The following SCAPER variants were observed in gnomAD, a reference collection of about 807,000 sequenced individuals.
The protein encoded by SCAPER is S phase cyclin A-associated protein in the endoplasmic reticulum.
Under a neutral mutation model 182.2 loss-of-function variants are expected in SCAPER, and 98 were observed. The observed-to-expected ratio is 0.54, with a 90% CI of 0.46 to 0.64. The LOEUF (loss-of-function observed/expected upper bound fraction) is 0.64. Among genes scored for constraint, SCAPER ranks in the 30% least tolerant of loss-of-function variants. The probability of loss-of-function intolerance (pLI) is 0.00; values close to 1 mark genes in which losing one functional copy is unlikely to be tolerated. For missense variants in SCAPER, 1,432 were observed against 1,690.0 expected, an observed-to-expected ratio of 0.85 and a Z score of 2.68; for synonymous variants, 605 against 564.6, an observed-to-expected ratio of 1.07 and a Z score of -1.01.
chr15:76,792,810 G>T (rs2065084909), intron 8 of SCAPER, among the ~76,000 whole-genome samples: 1 of 152,174 alleles, frequency 6.6e-6, no homozygotes, highest in South Asian at 2.1e-4. Flanking sequence ...GAAAAGAAAA[G>T]AGCCACTCCA....
At chr15:76,544,771 C>CA (rs770617883) in intron 23 of SCAPER, among the ~76,000 whole-genome samples, 45 of 151,856 alleles carry the variant, frequency 3.0e-4, no homozygotes, top group Admixed American at 4.6e-4. Flanking sequence ...TTGACTATAC[C>CA]AAAAAACAAA....
intron 23 of SCAPER, among the ~76,000 whole-genome samples, chr15:76,505,902 A>G (rs913738928): frequency 4.6e-5 from 7 of 152,222 alleles, no homozygotes; most frequent in African/African-American, 1.7e-4. Flanking sequence ...GGAATGGAGT[A>G]CTATTCAGCC....
At chr15:76,698,521 C>T (rs905550328) in intron 20 of SCAPER, among the ~76,000 whole-genome samples, 6 of 152,042 alleles carry the variant, frequency 3.9e-5, no homozygotes, top group Non-Finnish European at 8.8e-5. Flanking sequence ...GACTATGATG[C>T]CTAAAAAAAT....
chr15:76,582,839 T>C (rs1229878761), intron 22 of SCAPER, among the ~76,000 whole-genome samples: 1 of 152,126 alleles, frequency 6.6e-6, no homozygotes. Context: ...ACCAAGAATA[T>C]ACATTGAGGA....
chr15:76,764,366 T>A (rs1359911019), intron 14 of SCAPER, among the ~76,000 whole-genome samples: 1 of 152,094 alleles, frequency 6.6e-6, no homozygotes, highest in Non-Finnish European at 1.5e-5. Flanking sequence ...GCATCCCTGG[T>A]AGGTGGGAGC....
At chr15:76,520,426 C>T (rs1162496605) in intron 23 of SCAPER, among the ~76,000 whole-genome samples, 1 of 152,146 alleles carries the variant, frequency 6.6e-6, no homozygotes, top group Non-Finnish European at 1.5e-5. Flanking sequence ...CCATATTGCT[C>T]AGGCTGGGCT....
chr15:76,678,823 A>G (rs1049782482), intron 20 of SCAPER, among the ~76,000 whole-genome samples: 2 of 152,188 alleles, frequency 1.3e-5, no homozygotes, highest in Non-Finnish European at 2.9e-5. Flanking sequence ...ACTGAAGATA[A>G]TAAGTTAGGG....
rs186478397 is a variant in SCAPER, at chr15:76,497,714, C to T, written c.2954+7145G>A. ...CTGGAATAAGAAGTAAGCACATGGC[C>T]GGGCACGGTGGCTCATGCCTGTAAT... On this transcript the variant is annotated intron_variant, in intron 24 of 31. Coordinates refer to ENST00000563290, the MANE Select transcript of SCAPER (RefSeq NM_020843.4). 1.1e-3 allele frequency among the ~76,000 whole-genome samples: 167 copies of T among 151,998 alleles called. 3 individuals carry two copies. Among genetic ancestry groups the T allele is most frequent in the African/African-American group, 3.7e-3 (152 of 41,466 alleles).
In SCAPER at chr15:76,774,912, T is replaced by G; in HGVS notation, c.978A>C (p.Glu326Asp). The G allele has an allele frequency of 6.2e-7, 1 of 1,613,708 alleles. No homozygotes were observed. Among genetic ancestry groups the G allele is most frequent in the Non-Finnish European group, 8.5e-7 (1 of 1,179,714 alleles). The change falls in exon 9 of 32, where the codon GAA becomes GAC. Residue 326 changes from glutamate (E) to aspartate (D), a missense_variant. By Grantham distance (45) the Glu-to-Asp change is conservative. Coordinates refer to ENST00000563290, the MANE Select transcript of SCAPER (RefSeq NM_020843.4). Reference sequence around the variant, plus strand: ...AGTGTAATGAGTCTTTGGGATGAGATTCTATAGTATTAGAAGTTCCATCTC... The same window carrying G: ...AGTGTAATGAGTCTTTGGGATGAGAGTCTATAGTATTAGAAGTTCCATCTC... ...FVGDGTSNTI[E>D]SHPKDSLHSC...
Position 76,804,630 on chromosome 15 carries a change from C to T in SCAPER, c.397G>A (p.Val133Met). Reference protein sequence around the residue: ...SDQSVVECKEVLMMLDNYVRD... With the variant: ...SDQSVVECKEMLMMLDNYVRD... ...ACATAGTTATCCAGCATCATTAGCACCTCCTAAAAGAAACAAAACAAAAAA... is the reference window on the plus strand; with the variant it reads ...ACATAGTTATCCAGCATCATTAGCATCTCCTAAAAGAAACAAAACAAAAAA... Residue 133 changes from valine (V) to methionine (M), a missense_variant, in exon 6 of 32, where the codon GTG (valine) becomes ATG (methionine). This residue lies in a region of SCAPER where 480 missense variants were observed against 510.2 expected (regional missense o/e 0.94). Transcript: ENST00000563290. The T allele has an allele frequency of 1.3e-6, 2 of 1,593,230 alleles. No individual in the cohort carries two copies. Among genetic ancestry groups the T allele is most frequent in the Non-Finnish European group, 1.7e-6 (2 of 1,169,632 alleles).
intron 21 of SCAPER, among the ~76,000 whole-genome samples, chr15:76,622,286 A>G (rs961439972): frequency 1.1e-4 from 17 of 151,958 alleles, no homozygotes; most frequent in African/African-American, 1.7e-4. Flanking sequence ...CTTTTTGGAG[A>G]AAAAAAAGAG....
intron 17 of SCAPER, among the ~76,000 whole-genome samples, chr15:76,725,726 C>G (rs983001620): frequency 5.9e-5 from 9 of 151,872 alleles, no homozygotes; most frequent in African/African-American, 2.2e-4. Context: ...ACAAAGATGA[C>G]AAAACCATTC....
intron 29 of SCAPER, among the ~76,000 whole-genome samples, chr15:76,362,464 G>A (rs968351466): frequency 4.0e-5 from 6 of 150,740 alleles, no homozygotes; most frequent in Admixed American, 6.6e-5. Context: ...CCAGGCTGGA[G>A]TGCAGTGGTG....
chr15:76,720,489 C>T (rs1380870511), intron 17 of SCAPER, among the ~76,000 whole-genome samples: 2 of 152,166 alleles, frequency 1.3e-5, no homozygotes, highest in South Asian at 2.1e-4. Flanking sequence ...TTCTAGATCC[C>T]TGAGGAATCA....
At chr15:76,854,056 G>C (rs2071066663) in intron 4 of SCAPER, among the ~76,000 whole-genome samples, 1 of 152,102 alleles carries the variant, frequency 6.6e-6, no homozygotes, top group Non-Finnish European at 1.5e-5. Flanking sequence ...GGATCACGAG[G>C]TCAGCAGATC....
intron 20 of SCAPER, among the ~76,000 whole-genome samples, chr15:76,685,471 A>T (rs1391292439): frequency 6.6e-6 from 1 of 152,152 alleles, no homozygotes; most frequent in African/African-American, 2.4e-5. Flanking sequence ...TATGAGCTTG[A>T]TATGCAAAAT....
intron 22 of SCAPER, among the ~76,000 whole-genome samples, chr15:76,605,264 G>A (rs1431819978): frequency 6.6e-6 from 1 of 152,098 alleles, no homozygotes; most frequent in Non-Finnish European, 1.5e-5. Context: ...GGCCTTTTCT[G>A]CATCTATTGA....
intron 16 of SCAPER, among the ~76,000 whole-genome samples, chr15:76,732,368 T>C (rs2060967128): frequency 1.3e-5 from 2 of 152,134 alleles, no homozygotes; most frequent in Admixed American, 1.3e-4. Context: ...TTACTCTTTA[T>C]TCCAATATTA....
chr15:76,483,634 G>T lies in SCAPER; in HGVS notation c.2955-12299C>A, dbSNP rs570085119. ...AGTATTTGTATCCAGGATATTCAAAGAACTCTTACAACTTAATACGAAGAC... is the reference window on the plus strand; with the variant it reads ...AGTATTTGTATCCAGGATATTCAAATAACTCTTACAACTTAATACGAAGAC... On this transcript the variant is annotated intron_variant, in intron 24 of 31. Transcript: ENST00000563290. Among the ~76,000 whole-genome samples, 4 of 152,194 alleles carry T rather than the reference G, an allele frequency of 2.6e-5. No individual in the cohort carries two copies. The East Asian group carries it at 7.7e-4, about 29-fold the overall frequency.
Sources: allele counts gnomAD v4.1 joint callset (sites outside exome capture counted in the v4.1 genomes callset), GRCh38; gene constraint gnomAD v4.1.1; regional missense constraint gnomAD v4.1.1; transcripts MANE v1.5; gene names NCBI Gene and HGNC (gene_info 2026-07-23, HGNC 2026-07-21).